Variants in MIB1 observed in about 807,000 individuals in gnomAD.
MIB1 encodes the protein MIB E3 ubiquitin protein ligase 1.
In MIB1, 278 loss-of-function variants were observed where a neutral mutation model predicts 124.5. The observed-to-expected ratio is 2.23, with a 90% CI of 2.02 to 2.47. The LOEUF (loss-of-function observed/expected upper bound fraction) is 2.47. MIB1 is among the 30% of genes most tolerant of loss of function. The pLI is 0.00. For missense variants in MIB1, 957 were observed against 1,254.4 expected, an observed-to-expected ratio of 0.76 and a Z score of 3.58; for synonymous variants, 446 against 429.4, an observed-to-expected ratio of 1.04 and a Z score of -0.48.
chr18:21,818,932 C>T (rs896630767), intron 11 of MIB1, among the ~76,000 whole-genome samples: 8 of 151,518 alleles, frequency 5.3e-5, no homozygotes, highest in African/African-American at 1.9e-4. Flanking sequence ...GAAACTTGGT[C>T]TCAAAAAAAA....
At chr18:21,749,428 C>T (rs2040948408) in intron 1 of MIB1, among the ~76,000 whole-genome samples, 1 of 152,036 alleles carries the variant, frequency 6.6e-6, no homozygotes, top group African/African-American at 2.4e-5. Context: ...TCATTTTAAA[C>T]AACACTGCAA....
At chr18:21,776,151 G>A (rs1051743940) in intron 4 of MIB1, among the ~76,000 whole-genome samples, 13 of 151,790 alleles carry the variant, frequency 8.6e-5, no homozygotes, top group African/African-American at 3.1e-4. Context: ...ACCTGTAGTC[G>A]CAGTTACTTG....
intron 12 of MIB1, among the ~76,000 whole-genome samples, chr18:21,834,710 A>T (rs2042011166): frequency 6.6e-6 from 1 of 152,190 alleles, no homozygotes. Context: ...ACTCTTCAAA[A>T]CTGTCAGACT....
chr18:21,864,386 A>C, intron 20 of MIB1, 140 bp from the exon 21 acceptor site: 1 of 627,638 alleles, frequency 1.6e-6, no homozygotes, highest in Non-Finnish European at 2.7e-6. Context: ...TAACTATTTA[A>C]AAATGTTAAA....
In MIB1 at chr18:21,809,505, C is replaced by A. The variant is rs563942102; in HGVS notation, c.1479+5491C>A. ...CAACATTGATGCAAAAATCCTTAAC[C>A]AAATATTAGTGAGCTACATTCAGCA... On this transcript the variant is annotated intron_variant, in intron 10 of 20. Coordinates refer to ENST00000261537, the MANE Select transcript of MIB1 (RefSeq NM_020774.4). Among the ~76,000 whole-genome samples the A allele has an allele frequency of 6.6e-5, 10 of 151,958 alleles. No homozygotes were observed. In the East Asian group the frequency reaches 1.9e-3, roughly 29 times the overall value.
intron 10 of MIB1, among the ~76,000 whole-genome samples, chr18:21,810,759 G>A (rs565616700): frequency 1.3e-5 from 2 of 151,842 alleles, no homozygotes; most frequent in Admixed American, 6.6e-5. Context: ...ATCTAAAAGT[G>A]CGATATAAAA....
chr18:21,753,264 C>T (rs1008313589), intron 1 of MIB1, among the ~76,000 whole-genome samples: 1 of 152,166 alleles, frequency 6.6e-6, no homozygotes, highest in Non-Finnish European at 1.5e-5. Context: ...TCTCGGCTCA[C>T]TGCAACCTTG....
At chr18:21,730,410 T>TA (rs574513342) in intron 1 of MIB1, among the ~76,000 whole-genome samples, 2 of 151,868 alleles carry the variant, frequency 1.3e-5, no homozygotes, top group Non-Finnish European at 1.5e-5. Context: ...CTGCTAAAAA[T>TA]AAAAAAAATT....
intron 12 of MIB1, among the ~76,000 whole-genome samples, chr18:21,833,514 A>C (rs983058739): frequency 6.6e-6 from 1 of 152,196 alleles, no homozygotes; most frequent in Non-Finnish European, 1.5e-5. Context: ...TTTACCAAGC[A>C]TTTATTGAAC....
intron 1 of MIB1, among the ~76,000 whole-genome samples, chr18:21,757,273 G>A (rs2041043554): frequency 6.6e-6 from 1 of 151,494 alleles, no homozygotes; most frequent in Non-Finnish European, 1.5e-5. Flanking sequence ...CCAACATGGT[G>A]AAGCCCTGTC....
intron 3 of MIB1, among the ~76,000 whole-genome samples, chr18:21,769,019 A>T (rs974048731): frequency 1.3e-5 from 2 of 152,102 alleles, no homozygotes; most frequent in African/African-American, 2.4e-5. Context: ...GCTTTTCTGA[A>T]CGCATTTGGG....
chr18:21,831,120 A>C (rs2041976680), intron 12 of MIB1: 2 of 151,440 alleles, frequency 1.3e-5, no homozygotes, highest in South Asian at 2.1e-4. Flanking sequence ...AAAAAAAAAA[A>C]CAAAAACAGA....
intron 17 of MIB1, among the ~76,000 whole-genome samples, chr18:21,851,575 CAGTATTTGGAGGGAGGTATAAACA>C (rs1449589562): frequency 6.6e-6 from 1 of 152,112 alleles, no homozygotes; most frequent in Non-Finnish European, 1.5e-5. Context: ...AAACAAATTA[CAGTATTTGGAGGGAGGTATAAACA>C]AGCATGGGAT....
chr18:21,807,123 A>G (rs1447746317), intron 10 of MIB1, among the ~76,000 whole-genome samples: 1 of 152,180 alleles, frequency 6.6e-6, no homozygotes, highest in Non-Finnish European at 1.5e-5. Flanking sequence ...AACTATATTG[A>G]AAAATTGAGT....
chr18:21,779,630 GT>G lies in MIB1; in HGVS notation c.856del (p.Cys286ValfsTer10). ...MFETLTTTGT[V>X]CGIDEDHDIV... is the part of the protein sequence containing the mutation. ...TGAGACTTTAACTACAACTGGAACTGTTTGTGGCATTGATGAAGATCATGAC... is the reference window on the plus strand; with the variant it reads ...TGAGACTTTAACTACAACTGGAACTGTTGTGGCATTGATGAAGATCATGAC... On this transcript the variant is annotated frameshift_variant, in exon 6 of 21. Transcript: ENST00000261537. LOFTEE classifies it high-confidence loss of function. The G allele has an allele frequency of 1.2e-6, 2 of 1,614,106 alleles. No individual in the cohort carries two copies. Among genetic ancestry groups the G allele is most frequent in the Non-Finnish European group, 1.7e-6 (2 of 1,179,976 alleles).
At chr18:21,769,435 T>G (rs2041201138) in intron 3 of MIB1, among the ~76,000 whole-genome samples, 1 of 152,202 alleles carries the variant, frequency 6.6e-6, no homozygotes, top group South Asian at 2.1e-4. Flanking sequence ...AGCTTTCAAC[T>G]TGTTTGGCCA....
chr18:21,704,959 T>G (rs1232079926), exon 1 of MIB1: 2 of 247,978 alleles, frequency 8.1e-6, no homozygotes, highest in Admixed American at 5.6e-5. Context: ...GCGGGCGGAC[T>G]GGGTTCTCCC....
intron 1 of MIB1, among the ~76,000 whole-genome samples, chr18:21,716,566 C>G (rs1456070570): frequency 6.6e-6 from 1 of 152,174 alleles, no homozygotes; most frequent in Non-Finnish European, 1.5e-5. Flanking sequence ...AAATGCTCCA[C>G]TTAGGCTGGG....
chr18:21,835,840 A>ACACAAAC (rs1555695330), intron 12 of MIB1, among the ~76,000 whole-genome samples: 47 of 108,062 alleles, frequency 4.3e-4, no homozygotes, highest in Non-Finnish European at 6.2e-4. Flanking sequence ...CACACACACA[A>ACACAAAC]ACACACACGA....
Sources: allele counts gnomAD v4.1 joint callset (sites outside exome capture counted in the v4.1 genomes callset), GRCh38; gene constraint gnomAD v4.1.1; transcripts MANE v1.5; gene names NCBI Gene and HGNC (gene_info 2026-07-23, HGNC 2026-07-21).